Variants in DYNC2I1 observed in about 807,000 individuals in gnomAD.
DYNC2I1 encodes the protein dynein 2 intermediate chain 1.
DYNC2I1 carries 89 observed loss-of-function variants against 133.4 expected under a neutral mutation model. The observed-to-expected ratio is 0.67, with a 90% CI of 0.56 to 0.80. The LOEUF (loss-of-function observed/expected upper bound fraction) is 0.80. Ranked by LOEUF, DYNC2I1 falls within the 30% of genes least tolerant of loss-of-function variation. The probability of loss-of-function intolerance (pLI) is 0.00; values close to 1 mark genes in which losing one functional copy is unlikely to be tolerated. For missense variants in DYNC2I1, 1,291 were observed against 1,314.5 expected, an observed-to-expected ratio of 0.98 and a Z score of 0.28; for synonymous variants, 504 against 484.3, an observed-to-expected ratio of 1.04 and a Z score of -0.54.
intron 7 of DYNC2I1, among the ~76,000 whole-genome samples, 183 bp from the exon 8 acceptor site, chr7:158,891,082 A>G (rs1340516385): frequency 6.6e-6 from 1 of 152,346 alleles, no homozygotes; most frequent in East Asian, 1.9e-4. Context: ...ACTTGCTCTA[A>G]GTCACACAGT....
intron 15 of DYNC2I1, 88 bp from the exon 16 acceptor site, chr7:158,922,289 A>C: frequency 7.3e-7 from 1 of 1,360,686 alleles, no homozygotes; most frequent in Non-Finnish European, 1.0e-6. Context: ...ATGAAGCTGA[A>C]TTTTTTTTTG....
intron 23 of DYNC2I1, among the ~76,000 whole-genome samples, chr7:158,941,337 T>C (rs1851340880): frequency 6.6e-6 from 1 of 152,258 alleles, no homozygotes. Context: ...TAATGGCCCA[T>C]ATTTGAATCA....
chr7:158,892,832 T>TC (rs1845366431), intron 8 of DYNC2I1, among the ~76,000 whole-genome samples: 2 of 151,108 alleles, frequency 1.3e-5, no homozygotes, highest in Admixed American at 1.3e-4. Flanking sequence ...TCCCAGCTGC[T>TC]CAGGAGGCTG....
intron 8 of DYNC2I1, among the ~76,000 whole-genome samples, chr7:158,893,091 A>T (rs1033128172): frequency 6.6e-6 from 1 of 152,044 alleles, no homozygotes; most frequent in African/African-American, 2.4e-5. Flanking sequence ...TGTCATTATC[A>T]TCCGAAGTCC....
At chr7:158,891,189 T>TGG in intron 7 of DYNC2I1, 76 bp from the exon 8 acceptor site, 1 of 1,522,502 alleles carries the variant, frequency 6.6e-7, no homozygotes, top group Non-Finnish European at 9.1e-7. Context: ...AGTGGTGGGG[T>TGG]GGGGGGGAGC....
intron 16 of DYNC2I1, 23 bp downstream of exon 16, chr7:158,922,572 C>A: frequency 6.2e-7 from 1 of 1,608,608 alleles, no homozygotes; most frequent in Non-Finnish European, 8.5e-7. Flanking sequence ...ATGAGAGTCG[C>A]ACGTTTGATG....
intron 3 of DYNC2I1, among the ~76,000 whole-genome samples, chr7:158,875,166 G>A (rs1048667711): frequency 1.2e-4 from 18 of 144,786 alleles, no homozygotes; most frequent in Non-Finnish European, 2.2e-4. Context: ...TGCAGTCTTG[G>A]CTCACTGCAT....
At chr7:158,863,774 C>T (rs13307241) in intron 1 of DYNC2I1, among the ~76,000 whole-genome samples, 1 of 6,868 alleles carries the variant, frequency 1.5e-4, no homozygotes, top group African/African-American at 7.7e-4. Context: ...CCTTAGCTCC[C>T]GGTGTGGGGG....
chr7:158,891,048 G>A (rs1845161628), intron 7 of DYNC2I1, among the ~76,000 whole-genome samples: 1 of 152,240 alleles, frequency 6.6e-6, no homozygotes, highest in African/African-American at 2.4e-5. Flanking sequence ...AGAAGGGAAA[G>A]CCGAGGCACA....
intron 5 of DYNC2I1, among the ~76,000 whole-genome samples, chr7:158,883,276 G>A (rs1421143778): frequency 6.7e-6 from 1 of 149,824 alleles, no homozygotes; most frequent in African/African-American, 2.5e-5. Context: ...AGAGAGCAGT[G>A]GTGTGATCTT....
chr7:158,916,903 C>T (rs1318088772), intron 14 of DYNC2I1, among the ~76,000 whole-genome samples: 3 of 79,190 alleles, frequency 3.8e-5, no homozygotes, highest in African/African-American at 1.3e-4. Flanking sequence ...AACCTCGACA[C>T]GGTGGTTGAG....
At chr7:158,894,939 G>GT (rs1845625245) in intron 8 of DYNC2I1, among the ~76,000 whole-genome samples, 1 of 152,122 alleles carries the variant, frequency 6.6e-6, no homozygotes, top group Non-Finnish European at 1.5e-5. Flanking sequence ...GCATCTTTTT[G>GT]TATGTTTGTT....
chr7:158,926,607 G>A, intron 19 of DYNC2I1, 144 bp downstream of exon 19: 1 of 936,436 alleles, frequency 1.1e-6, no homozygotes, highest in Non-Finnish European at 1.6e-6. Context: ...GTCCTGAGCA[G>A]AAGGGATGCA....
intron 21 of DYNC2I1, 101 bp from the exon 22 acceptor site, chr7:158,934,028 T>A (rs188264704): frequency 1.3e-6 from 1 of 792,160 alleles, no homozygotes; most frequent in African/African-American, 1.7e-5. Flanking sequence ...ACATGGCCTG[T>A]TATACATCGA....
At position 158,884,519 on chromosome 7, in the gene DYNC2I1, C is replaced by T. The variant is rs147230183; in HGVS notation, c.880-45C>T. ...TTTACTAATTATGCTTACTTCATTC[C>T]GATATGCTAATAAATGGTTATGGGA... On this transcript the variant is annotated intron_variant, in intron 5 of 24. Coordinates refer to ENST00000407559, the MANE Select transcript of DYNC2I1 (RefSeq NM_018051.5). 2.6e-4 allele frequency: 407 copies of T among 1,570,472 alleles called. 1 individual carries two copies. In the African/African-American group the frequency reaches 4.0e-3, roughly 15 times the overall value.
intron 20 of DYNC2I1, among the ~76,000 whole-genome samples, chr7:158,927,264 G>A (rs575654946): frequency 3.9e-5 from 6 of 151,924 alleles, no homozygotes; most frequent in East Asian, 2.0e-4. Context: ...TTGGCTGGGC[G>A]TGGTGGCACA....
At chr7:158,841,646 T>TCTATTA in the DYNC2I1 span, among the ~76,000 whole-genome samples, 1 of 152,242 alleles carries the variant, frequency 6.6e-6, no homozygotes, top group Non-Finnish European at 1.5e-5. Context: ...TGTAACTGAT[T>TCTATTA]GGGAAATGAG....
At chr7:158,944,533 G>A (rs1253667259) in intron 24 of DYNC2I1, among the ~76,000 whole-genome samples, 4 of 152,130 alleles carry the variant, frequency 2.6e-5, no homozygotes, top group Non-Finnish European at 4.4e-5. Flanking sequence ...TAAAGTATCC[G>A]CTGGTGAAAA....
chr7:158,921,142 G>A (rs1849038667), intron 15 of DYNC2I1, among the ~76,000 whole-genome samples: 1 of 152,130 alleles, frequency 6.6e-6, no homozygotes, highest in Admixed American at 6.6e-5. Context: ...ATCAGAGAGG[G>A]GTAAGTTCTA....
Sources: allele counts gnomAD v4.1 joint callset (sites outside exome capture counted in the v4.1 genomes callset), GRCh38; gene constraint gnomAD v4.1.1; transcripts MANE v1.5; gene names NCBI Gene and HGNC (gene_info 2026-07-23, HGNC 2026-07-21).